The following IMPA2 variants were observed in gnomAD, a reference collection of about 807,000 sequenced individuals.
IMPA2 encodes IMP 2.
Under a neutral mutation model 35.1 loss-of-function variants are expected in IMPA2, and 32 were observed. The ratio of observed to expected loss-of-function variants is 0.91; its 90% CI spans 0.69 to 1.23. The LOEUF (loss-of-function observed/expected upper bound fraction) is 1.23. IMPA2 is among the 50% of genes most tolerant of loss of function. The probability of loss-of-function intolerance (pLI) is 0.00; values close to 1 mark genes in which losing one functional copy is unlikely to be tolerated. For synonymous variants in IMPA2, 135 were observed against 160.6 expected, an observed-to-expected ratio of 0.84 and a Z score of 1.20; for missense variants, 334 against 387.6, an observed-to-expected ratio of 0.86 and a Z score of 1.16.
At chr18:12,025,678 C>T (rs574711970) in intron 5 of IMPA2, among the ~76,000 whole-genome samples, 11 of 152,344 alleles carry the variant, frequency 7.2e-5, no homozygotes, top group Middle Eastern at 3.4e-3. Context: ...CTCCCAGGTT[C>T]AAGCGATTCT....
chr18:12,015,989 G>C (rs1041142341), intron 5 of IMPA2, among the ~76,000 whole-genome samples: 3 of 152,196 alleles, frequency 2.0e-5, no homozygotes, highest in Non-Finnish European at 4.4e-5. Context: ...AACTCCACTA[G>C]GGCAAGGGCT....
chr18:11,987,135 GA>G (rs1235359055), intron 1 of IMPA2, among the ~76,000 whole-genome samples: 16 of 152,288 alleles, frequency 1.1e-4, no homozygotes, highest in African/African-American at 3.9e-4. Flanking sequence ...GGAAGCCCAA[GA>G]GGGCTTATTA....
Position 12,009,942 on chromosome 18 carries a change from C to G in IMPA2, c.290C>G (p.Thr97Arg). 1 of 1,614,144 alleles carries G rather than the reference C, an allele frequency of 6.2e-7. No individual in the cohort carries two copies. The highest frequency in any genetic ancestry group is 2.2e-5 in the East Asian group (1 of 44,880). ...AAGTGTGTGCTCACCCACAGCCCGA[C>G]GTGGATCATCGACCCCATCGACGGC... The part of the protein sequence containing the change: ...GAKCVLTHSP[T>R]WIIDPIDGTC... Residue 97 changes from threonine (T) to arginine (R), a missense_variant, in exon 3 of 8, where the codon ACG becomes AGG. By Grantham distance (71) the Thr-to-Arg change is moderately conservative. Transcript: ENST00000269159.
At chr18:12,011,684 T>A (rs1358892185) in intron 3 of IMPA2, among the ~76,000 whole-genome samples, 1 of 152,244 alleles carries the variant, frequency 6.6e-6, no homozygotes, top group Non-Finnish European at 1.5e-5. Flanking sequence ...CAGCCGTGGC[T>A]GTCCCTGCAG....
At chr18:12,001,315 C>T (rs1907109705) in intron 2 of IMPA2, among the ~76,000 whole-genome samples, 1 of 152,122 alleles carries the variant, frequency 6.6e-6, no homozygotes, top group African/African-American at 2.4e-5. Context: ...AAGCATGCTG[C>T]AGTAACGAGC....
intron 1 of IMPA2, among the ~76,000 whole-genome samples, chr18:11,997,535 G>A (rs749511068): frequency 8.5e-5 from 13 of 152,142 alleles, no homozygotes; most frequent in Admixed American, 2.6e-4. Flanking sequence ...TCAGTACAGC[G>A]TGGGCCAGCT....
rs1906804422 is a variant in IMPA2 at position 11,991,230 on chromosome 18, G to T, written c.97-7824G>T. ...GCAGCTGGGATGTGGGTGACGGGTG[G>T]CTGCTGGCATTGGTATGGAAGGTGC... On this transcript the variant is annotated intron_variant, in intron 1 of 7. Transcript: ENST00000269159. The surrounding 1 kb of genome is among the most constrained non-coding windows in gnomAD (Gnocchi z 4.1). Among the ~76,000 whole-genome samples, 1 of 152,200 alleles carries T rather than the reference G, an allele frequency of 6.6e-6. No individual in the cohort carries two copies. The highest frequency in any genetic ancestry group is 6.5e-5 in the Admixed American group (1 of 15,288).
intron 1 of IMPA2, among the ~76,000 whole-genome samples, chr18:11,997,315 G>A (rs1228082412): frequency 6.6e-6 from 1 of 152,214 alleles, no homozygotes; most frequent in Non-Finnish European, 1.5e-5. Flanking sequence ...CAATGAGCAG[G>A]AACTAGGAAA....
Position 12,009,939 on chromosome 18 carries a change from C to T in IMPA2, c.287C>T (p.Pro96Leu), listed in dbSNP as rs749335509. Residue 96 changes from proline to leucine, a missense_variant, in exon 3 of 8, where the codon CCG (proline) becomes CTG (leucine). Transcript: ENST00000269159. ...GCCAAGTGTGTGCTCACCCACAGCCCGACGTGGATCATCGACCCCATCGAC... is the reference window on the plus strand; with the variant it reads ...GCCAAGTGTGTGCTCACCCACAGCCTGACGTGGATCATCGACCCCATCGAC... ...SGAKCVLTHS[P>L]TWIIDPIDGT... 11 of 1,613,994 alleles carry T rather than the reference C, an allele frequency of 6.8e-6. No individual in the cohort carries two copies. The highest frequency in any genetic ancestry group is 6.7e-5 in the Admixed American group (4 of 60,002).
chr18:12,018,614 T>A (rs940897907), intron 5 of IMPA2, among the ~76,000 whole-genome samples: 15 of 152,232 alleles, frequency 9.9e-5, no homozygotes, highest in African/African-American at 3.4e-4. Flanking sequence ...TAATTCATTT[T>A]AAGATTAAAA....
rs1221995686 is a variant in IMPA2 at position 12,028,451 on chromosome 18, G to C, written c.599+300G>C. The C allele has an allele frequency of 3.5e-5, 16 of 451,440 alleles. No individual in the cohort carries two copies. In the South Asian group the frequency reaches 5.9e-4, roughly 17 times the overall value. The allele number at this position is 451,440 out of a possible 1,614,324, so 28.0% of individuals were successfully genotyped here. A position where few individuals can be genotyped will look rare whatever the true frequency, so the allele number is the denominator to read the frequency against. ...CTTACAGTCCTTCCCGAGGGGGCCT[G>C]GCGTCAGACAGGTTTATCAAAGCCC... is the stretch of plus-strand genomic sequence containing the variant. On this transcript the variant is annotated intron_variant, in intron 6 of 7. Transcript: ENST00000269159.
chr18:12,026,973 A>G (rs913450388), intron 5 of IMPA2, among the ~76,000 whole-genome samples: 13 of 152,220 alleles, frequency 8.5e-5, no homozygotes, highest in African/African-American at 2.9e-4. Flanking sequence ...GAGAGTTTCC[A>G]TGGAAGAAAA....
chr18:11,990,605 G>A (rs1489387698), intron 1 of IMPA2, among the ~76,000 whole-genome samples: 1 of 152,196 alleles, frequency 6.6e-6, no homozygotes, highest in Admixed American at 6.5e-5. Flanking sequence ...GGCCCTTGGG[G>A]GCTGTGAGTT....
chr18:12,004,723 C>G (rs78004782), intron 2 of IMPA2, among the ~76,000 whole-genome samples: 1 of 152,100 alleles, frequency 6.6e-6, no homozygotes, highest in African/African-American at 2.4e-5. Flanking sequence ...CGGGGTTTCA[C>G]CATGTTGGCC....
chr18:11,999,233 C>T, intron 2 of IMPA2, 46 bp downstream of exon 2: 1 of 1,578,606 alleles, frequency 6.3e-7, no homozygotes, highest in Non-Finnish European at 8.6e-7. Flanking sequence ...CCTGGCCACA[C>T]TCATAGAGAA....
intron 1 of IMPA2, among the ~76,000 whole-genome samples, chr18:11,984,861 A>G (rs7407929): frequency 0.1 from 15,103 of 151,042 alleles, 945 homozygotes; most frequent in East Asian, 0.28. Flanking sequence ...CCAGCTACTC[A>G]GGAGGCTGAG....
chr18:12,005,732 C>G (rs532756106), intron 2 of IMPA2, among the ~76,000 whole-genome samples: 4 of 152,142 alleles, frequency 2.6e-5, no homozygotes, highest in Admixed American at 2.6e-4. Flanking sequence ...GGGCATGCCG[C>G]GTGGGTGGTC....
intron 2 of IMPA2, among the ~76,000 whole-genome samples, chr18:12,004,410 T>C (rs1907197554): frequency 6.6e-6 from 1 of 152,250 alleles, no homozygotes; most frequent in African/African-American, 2.4e-5. Context: ...TATAATAACT[T>C]ATTACCAAAC....
Position 11,996,552 on chromosome 18 carries a change from C to G in IMPA2, c.97-2502C>G, listed in dbSNP as rs573791956. On this transcript the variant is annotated intron_variant, in intron 1 of 7. Transcript: ENST00000269159. ...GTCCTGGGTTCAGAACCCACCACCA[C>G]CTGCCCACCCCGCCCGCTGAGGTGG... Among the ~76,000 whole-genome samples, 6 of 152,282 alleles carry G rather than the reference C, an allele frequency of 3.9e-5. No individual in the cohort carries two copies. In the South Asian group the frequency reaches 1.2e-3, roughly 32 times the overall value.
Sources: gnomAD v4.1 joint callset for allele counts (sites outside exome capture counted in the v4.1 genomes callset) on GRCh38, gnomAD v4.1.1 for gene constraint, Gnocchi (gnomAD v3.1) non-coding constraint, MANE v1.5 for transcripts, NCBI Gene and HGNC (gene_info 2026-07-23, HGNC 2026-07-21) for gene names.